RBFOX3: variants seen among roughly 807,000 people sequenced by gnomAD.
RBFOX3 encodes RNA binding fox-1 homolog 3.
A neutral mutation model predicts 48.7 loss-of-function variants in RBFOX3; 17 were observed. The ratio of observed to expected loss-of-function variants is 0.35; its 90% confidence interval spans 0.24 to 0.52. The LOEUF (loss-of-function observed/expected upper bound fraction) is 0.52. Among genes scored for constraint, RBFOX3 ranks in the 20% least tolerant of loss-of-function variants. The pLI is 0.94. For missense variants in RBFOX3, 382 were observed against 497.5 expected, an observed-to-expected ratio of 0.77 and a Z score of 2.21; for synonymous variants, 212 against 209.5, an observed-to-expected ratio of 1.01 and a Z score of -0.10.
intron 4 of RBFOX3, among the ~76,000 whole-genome samples, chr17:79,148,197 G>A (rs1020892478): frequency 5.9e-5 from 9 of 152,228 alleles, no homozygotes; most frequent in South Asian, 2.1e-4. Flanking sequence ...GCTGTGTTCT[G>A]TGCCTGGAGT....
At chr17:79,430,044 C>T (rs2068125667) in intron 2 of RBFOX3, among the ~76,000 whole-genome samples, 1 of 152,160 alleles carries the variant, frequency 6.6e-6, no homozygotes, top group African/African-American at 2.4e-5. Flanking sequence ...GAGCCTGGTG[C>T]TTCACCTAGC....
chr17:79,116,546 G>A (rs534972730), intron 4 of RBFOX3, among the ~76,000 whole-genome samples: 53 of 152,238 alleles, frequency 3.5e-4, no homozygotes, highest in Non-Finnish European at 6.5e-4. Context: ...TTTTGTCATT[G>A]GAAAGCAGAA....
At chr17:79,309,839 C>G (rs1383890402) in intron 2 of RBFOX3, among the ~76,000 whole-genome samples, 1 of 152,152 alleles carries the variant, frequency 6.6e-6, no homozygotes, top group Non-Finnish European at 1.5e-5. Context: ...TAAGACGCAC[C>G]TCACTTCCCC....
At chr17:79,215,315 A>G (rs1045340582) in intron 4 of RBFOX3, among the ~76,000 whole-genome samples, 4 of 152,202 alleles carry the variant, frequency 2.6e-5, no homozygotes, top group African/African-American at 9.7e-5. Context: ...AGCCCCGTCA[A>G]CCAAAGAGTC....
At chr17:79,393,362 C>T (rs2061576171) in intron 2 of RBFOX3, among the ~76,000 whole-genome samples, 1 of 152,236 alleles carries the variant, frequency 6.6e-6, no homozygotes, top group South Asian at 2.1e-4. Flanking sequence ...TTACAATACA[C>T]TGGGAGGGAG....
At chr17:79,146,718 C>G (rs975920651) in intron 4 of RBFOX3, among the ~76,000 whole-genome samples, 1 of 152,220 alleles carries the variant, frequency 6.6e-6, no homozygotes, top group African/African-American at 2.4e-5. Context: ...GCCCAGGGCC[C>G]AGAAAAGCTT....
At chr17:79,257,568 T>C (rs1242105534) in intron 3 of RBFOX3, among the ~76,000 whole-genome samples, 1 of 152,102 alleles carries the variant, frequency 6.6e-6, no homozygotes, top group African/African-American at 2.4e-5. Context: ...TGAGTCCTTC[T>C]CACTGTTCTT....
In RBFOX3 at chr17:79,092,303, T is replaced by C. The variant is rs1371220810; in HGVS notation, c.1078-1418A>G. ...CCTGGACCCCACGGTGTGCACACCG[T>C]ACCTGCAATGGCTTGGGTAGTACAA... On this transcript the variant is annotated intron_variant, in intron 14 of 14. Coordinates refer to ENST00000693108, the MANE Select transcript of RBFOX3 (RefSeq NM_001350451.2). 2.3e-5 allele frequency: 23 copies of C among 985,370 alleles called. No homozygotes were observed. The South Asian group carries it at 4.2e-4, about 18-fold the overall frequency. 61.0% of individuals were successfully genotyped at this position (985,370 alleles called of 1,614,324 possible). A position where few individuals can be genotyped will look rare whatever the true frequency, so the allele number is the denominator to read the frequency against.
upstream of RBFOX3, among the ~76,000 whole-genome samples, chr17:79,611,140 C>CTT: frequency 3.6e-5 from 1 of 27,634 alleles, no homozygotes; most frequent in Non-Finnish European, 1.0e-4. Context: ...TTCTCTCTCT[C>CTT]TCTCTCTCTC....
rs925231680 is a variant in RBFOX3 at position 79,577,590 on chromosome 17, G to A, written c.-320+33236C>T. Among the ~76,000 whole-genome samples the A allele has an allele frequency of 3.3e-5, 5 of 152,338 alleles. No homozygotes were observed. The East Asian group carries it at 7.7e-4, about 23-fold the overall frequency. On this transcript the variant is annotated intron_variant, in intron 1 of 14. Coordinates refer to ENST00000693108, the MANE Select transcript of RBFOX3 (RefSeq NM_001350451.2). ...CAGTGCCAAGTTCCCTTGCATGAGC[G>A]ACAGAAGTTTCTGCAAGTACAGTCA...
intron 1 of RBFOX3, chr17:79,601,136 C>T (rs2093696799): frequency 1.3e-5 from 2 of 152,286 alleles, no homozygotes; most frequent in African/African-American, 2.4e-5. Flanking sequence ...CTACACACCT[C>T]GCCTCCCAGG....
At chr17:79,105,257 G>A (rs1279706645) in intron 6 of RBFOX3, among the ~76,000 whole-genome samples, 1 of 152,208 alleles carries the variant, frequency 6.6e-6, no homozygotes, top group East Asian at 1.9e-4. Flanking sequence ...CAGGGACCCA[G>A]GGAGCTGATG....
intron 3 of RBFOX3, among the ~76,000 whole-genome samples, chr17:79,279,145 G>A (rs1006828773): frequency 2.6e-5 from 4 of 152,198 alleles, no homozygotes; most frequent in Non-Finnish European, 5.9e-5. Flanking sequence ...GAGGGCAGGG[G>A]AGGGGTGGCA....
At chr17:79,536,978 G>C (rs1243641950) in intron 1 of RBFOX3, among the ~76,000 whole-genome samples, 1 of 152,018 alleles carries the variant, frequency 6.6e-6, no homozygotes, top group Non-Finnish European at 1.5e-5. Context: ...CCAGCTACTT[G>C]GGAGGCTGAG....
Position 79,103,681 on chromosome 17 carries a change from C to G in RBFOX3, c.414+392G>C, listed in dbSNP as rs79997468. Among the ~76,000 whole-genome samples, 1 of 152,084 alleles carries G rather than the reference C, an allele frequency of 6.6e-6. No individual in the cohort carries two copies. The highest frequency in any genetic ancestry group is 6.5e-5 in the Admixed American group (1 of 15,284). The stretch of plus-strand genomic sequence containing the variant: ...ACCCTCGGAGCCCAGGGTAGAGGGT[C>G]GTGCCTTCCTGGAAGGGGAGTAGGG... On this transcript the variant is annotated intron_variant, in intron 7 of 14. Coordinates refer to ENST00000693108, the MANE Select transcript of RBFOX3 (RefSeq NM_001350451.2). This position sits in a 1 kb window ranked among gnomAD's most constrained non-coding sequence, Gnocchi z 6.1.
rs1457542695 is a variant in RBFOX3, at chr17:79,198,505, C to T, written c.-34+37261G>A. On this transcript the variant is annotated intron_variant, in intron 4 of 14. Coordinates refer to ENST00000693108, the MANE Select transcript of RBFOX3 (RefSeq NM_001350451.2). The surrounding 1 kb of genome is among the most constrained non-coding windows in gnomAD (Gnocchi z 8.2). ...CTCAAGCCTGTGGGACAGATGGGTA[C>T]AGCTGGAGACTGAGGCTTGGAGAAG... is the stretch of plus-strand genomic sequence containing the variant. 6.6e-6 allele frequency among the ~76,000 whole-genome samples: 1 copy of T among 152,224 alleles called. No individual in the cohort carries two copies. Among genetic ancestry groups the T allele is most frequent in the African/African-American group, 2.4e-5 (1 of 41,454 alleles).
chr17:79,254,244 G>C lies in RBFOX3; in HGVS notation c.-73-18439C>G, dbSNP rs73999931. ...GGTTCTCAGATGTCCTGGCTTCAGG[G>C]AGCAGGGCCCCTGAGGTCTGGAAGA... is the stretch of plus-strand genomic sequence containing the variant. On this transcript the variant is annotated intron_variant, in intron 3 of 14. Transcript: ENST00000693108. The surrounding 1 kb of genome is among the most constrained non-coding windows in gnomAD (Gnocchi z 4.8). Among the ~76,000 whole-genome samples, 48 of 152,284 alleles carry C rather than the reference G, an allele frequency of 3.2e-4. No homozygotes were observed. The highest frequency in any genetic ancestry group is 1.2e-3 in the African/African-American group (48 of 41,556).
At chr17:79,181,997 ACACAAAC>A (rs1424504210) in intron 4 of RBFOX3, among the ~76,000 whole-genome samples, 6 of 146,084 alleles carry the variant, frequency 4.1e-5, no homozygotes, top group African/African-American at 1.6e-4. Flanking sequence ...ACACACACAC[ACACAAAC>A]ACACAATCAC....
In RBFOX3 at chr17:79,318,006, TTTAAAAAAAC is replaced by T. The variant is rs1189269464; in HGVS notation, c.-174-10192_-174-10183del. Among the ~76,000 whole-genome samples, 104 of 152,266 alleles carry T rather than the reference TTTAAAAAAAC, an allele frequency of 6.8e-4. 1 individual carries two copies. The highest frequency in any genetic ancestry group is 3.9e-4 in the East Asian group (2 of 5,184). On this transcript the variant is annotated intron_variant, in intron 2 of 14. Transcript: ENST00000693108. ...CATTTCTAGAAATGTCTTTACCCCC[TTTAAAAAAAC>T]TGTCTGTGGATTGGGAAAAACCTCC...
Sources: allele counts gnomAD v4.1 joint callset (sites outside exome capture counted in the v4.1 genomes callset), GRCh38; gene constraint gnomAD v4.1.1; non-coding constraint Gnocchi (gnomAD v3.1); transcripts MANE v1.5; gene names NCBI Gene and HGNC (gene_info 2026-07-23, HGNC 2026-07-21).